The following FCRL1 variants were observed in gnomAD, a reference collection of about 807,000 sequenced individuals.
FCRL1 encodes Fc receptor-like protein 1.
Under a neutral mutation model 49.2 loss-of-function variants are expected in FCRL1, and 34 were observed. That is an observed-to-expected ratio of 0.69 (90% CI 0.53 to 0.92). The LOEUF (loss-of-function observed/expected upper bound fraction) is 0.92. Among genes scored for constraint, FCRL1 ranks in the 40% least tolerant of loss-of-function variants. The pLI, the probability that FCRL1 is intolerant of heterozygous loss-of-function variation, is 0.00. For synonymous variants in FCRL1, 218 were observed against 201.6 expected (o/e 1.08, Z -0.69); for missense variants, 524 against 524.1 (o/e 1.00, Z 0.00).
rs149417910 is a variant in FCRL1 at position 157,802,129 on chromosome 1, C to T, written c.672G>A (p.Val224=). ...APRAQAAVED[V]LELHCEALRG... ...TCAGGGCCTCACAGTGAAGCTCCAG[C>T]ACATCCTCCACTGCAGCCTGGGCCC... The change falls in exon 5 of 11, where the codon GTG becomes GTA. Residue 224 remains valine, a synonymous_variant. Coordinates refer to ENST00000368176, the MANE Select transcript of FCRL1 (RefSeq NM_052938.5). The T allele has an allele frequency of 4.3e-6, 7 of 1,614,086 alleles. No homozygotes were observed. In the Admixed American group the frequency reaches 8.3e-5, roughly 19 times the overall value.
chr1:157,819,982 C>T, intron 1 of FCRL1, 25 bp downstream of exon 1: 1 of 1,613,902 alleles, frequency 6.2e-7, no homozygotes, highest in South Asian at 1.1e-5. Flanking sequence ...GCATCCCATG[C>T]CCTGCTCTGA....
Position 157,798,246 on chromosome 1 carries a change from G to A in FCRL1, c.1032-3C>T. 6.2e-7 allele frequency: 1 copy of A among 1,604,918 alleles called. No individual in the cohort carries two copies. The highest frequency in any genetic ancestry group is 8.5e-7 in the Non-Finnish European group (1 of 1,175,016). ...GGGGTAGAGGGCTGGGAAGGCTCCT[G>A]CAAACACAGAGACACATGTTATTTA... On this transcript the variant is annotated splice_polypyrimidine_tract_variant and splice_region_variant and intron_variant, in intron 7 of 10. Transcript: ENST00000368176.
At chr1:157,797,195 T>G in intron 9 of FCRL1, 63 bp from the exon 10 acceptor site, 1 of 1,498,820 alleles carries the variant, frequency 6.7e-7, no homozygotes, top group Non-Finnish European at 9.3e-7. Flanking sequence ...ACTAAACTTG[T>G]GTTAAGAAAA....
chr1:157,797,631 G>A (rs1337775453), intron 9 of FCRL1: 3 of 1,016,082 alleles, frequency 3.0e-6, no homozygotes, highest in African/African-American at 1.6e-5. Flanking sequence ...CTTTCTAAGT[G>A]ACTATAATTT....
In FCRL1 at chr1:157,794,682, G is replaced by A. The variant is rs1651233207; in HGVS notation, c.*1417C>T. On this transcript the variant is annotated 3_prime_UTR_variant, in exon 11 of 11. Transcript: ENST00000368176. ...TGTTTTTATAATATGAATTTTTTGA[G>A]AGTCTCCTTAATGTCCACCAGTGAT... 6.6e-6 allele frequency: 1 copy of A among 152,064 alleles called. No individual in the cohort carries two copies. The highest frequency in any genetic ancestry group is 1.5e-5 in the Non-Finnish European group (1 of 68,018). 9.4% of individuals were successfully genotyped at this position (152,064 alleles called of 1,614,324 possible). A position where few individuals can be genotyped will look rare whatever the true frequency, so the allele number is the denominator to read the frequency against.
intron 3 of FCRL1, among the ~76,000 whole-genome samples, chr1:157,803,420 A>G (rs1456005294): frequency 6.6e-6 from 1 of 152,120 alleles, no homozygotes; most frequent in Non-Finnish European, 1.5e-5. Context: ...TGCTCCAGTA[A>G]CCTATTCTAC....
In FCRL1 at chr1:157,797,098, T is replaced by C. The variant is rs1651621849; in HGVS notation, c.1218+3A>G. The C allele has an allele frequency of 2.5e-6, 4 of 1,613,580 alleles. No homozygotes were observed. Among genetic ancestry groups the C allele is most frequent in the Non-Finnish European group, 3.4e-6 (4 of 1,179,538 alleles). On this transcript the variant is annotated splice_donor_region_variant and intron_variant, in intron 10 of 10. Coordinates refer to ENST00000368176, the MANE Select transcript of FCRL1 (RefSeq NM_052938.5). ...TGGAAGAAAGAACAATAGAGACTCTTACCTTGTCCTCCATATGTGTCCCCA... is the reference window on the plus strand; with the variant it reads ...TGGAAGAAAGAACAATAGAGACTCTCACCTTGTCCTCCATATGTGTCCCCA...
chr1:157,800,164 G>A, intron 6 of FCRL1, 79 bp from the exon 7 acceptor site: 1 of 1,403,162 alleles, frequency 7.1e-7, no homozygotes, highest in South Asian at 1.2e-5. Flanking sequence ...CATACCCCCT[G>A]CACAGGGATA....
chr1:157,801,758 T>C (rs560461457), intron 5 of FCRL1, among the ~76,000 whole-genome samples, 157 bp downstream of exon 5: 3 of 151,930 alleles, frequency 2.0e-5, no homozygotes, highest in Non-Finnish European at 2.9e-5. Flanking sequence ...AACCTTGAGT[T>C]CTCCATGCCC....
At chr1:157,813,521 G>A (rs1334977873) in intron 1 of FCRL1, among the ~76,000 whole-genome samples, 1 of 152,158 alleles carries the variant, frequency 6.6e-6, no homozygotes, top group African/African-American at 2.4e-5. Flanking sequence ...CTTGAATATA[G>A]ATCTTTTGAA....
intron 6 of FCRL1, among the ~76,000 whole-genome samples, chr1:157,800,749 G>T (rs1652307717): frequency 6.6e-6 from 1 of 152,134 alleles, no homozygotes; most frequent in Non-Finnish European, 1.5e-5. Flanking sequence ...TGAATGTGCG[G>T]TTCAGAGAGA....
chr1:157,806,447 G>A (rs1008626145), intron 2 of FCRL1, among the ~76,000 whole-genome samples: 4 of 152,158 alleles, frequency 2.6e-5, no homozygotes, highest in African/African-American at 7.2e-5. Context: ...AGAGTCCTTC[G>A]TGGGGAAAGG....
intron 1 of FCRL1, among the ~76,000 whole-genome samples, chr1:157,816,036 T>C (rs1654975467): frequency 6.6e-6 from 1 of 151,840 alleles, no homozygotes; most frequent in South Asian, 2.1e-4. Context: ...AAAGAACTAA[T>C]ACCAATTCCT....
chr1:157,797,938 C>T lies in FCRL1; in HGVS notation c.1116G>A (p.Val372=). The change falls in exon 9 of 11, where the codon GTG becomes GTA. Residue 372 remains valine, a splice_region_variant and synonymous_variant. Transcript: ENST00000368176. ...AAACCTCATCCCCACTTACAACATT[C>T]ACTGCAAGAGAAGGAGGGAGACTTC... ...PGQLQPIYEN[V]NVVSGDEVYS... 6.2e-7 allele frequency: 1 copy of T among 1,614,160 alleles called. No individual in the cohort carries two copies. The highest frequency in any genetic ancestry group is 8.5e-7 in the Non-Finnish European group (1 of 1,180,002).
intron 6 of FCRL1, 26 bp from the exon 7 acceptor site, chr1:157,800,111 A>G (rs1265191668): frequency 1.2e-6 from 2 of 1,611,830 alleles, no homozygotes; most frequent in African/African-American, 1.3e-5. Context: ...ATGAGCATAC[A>G]CATAAATGGA....
At chr1:157,806,785 C>A (rs540688993) in intron 2 of FCRL1, 45 of 262,140 alleles carry the variant, frequency 1.7e-4, no homozygotes, top group African/African-American at 6.6e-4. Flanking sequence ...ATCTTCAGCA[C>A]CCTTTGCCTT....
At chr1:157,804,249 C>CCCA (rs1553215540) in intron 2 of FCRL1, 138 bp from the exon 3 acceptor site, 1 of 978,804 alleles carries the variant, frequency 1.0e-6, no homozygotes, top group African/African-American at 1.8e-5. Flanking sequence ...TGTCTCCACC[C>CCCA]CCCCCCCAGT....
intron 2 of FCRL1, chr1:157,806,770 C>A: frequency 4.4e-6 from 1 of 228,902 alleles, no homozygotes; most frequent in East Asian, 9.0e-5. Context: ...ATGCTTCTAG[C>A]ATGAATCTTC....
At chr1:157,812,044 C>T (rs994745856) in intron 1 of FCRL1, among the ~76,000 whole-genome samples, 21 of 152,176 alleles carry the variant, frequency 1.4e-4, no homozygotes, top group Non-Finnish European at 2.8e-4. Flanking sequence ...CCCAGTCAGG[C>T]ATCCTGCCCC....
Sources: allele counts gnomAD v4.1 joint callset (sites outside exome capture counted in the v4.1 genomes callset), GRCh38; gene constraint gnomAD v4.1.1; transcripts MANE v1.5; gene names NCBI Gene and HGNC (gene_info 2026-07-23, HGNC 2026-07-21).